The following OR1D5 variants were observed in gnomAD, a reference collection of about 807,000 sequenced individuals.
OR1D5 encodes olfactory receptor 1D5.
For missense variants in OR1D5, 159 were observed against 381.5 expected (o/e 0.42, Z 4.86); for synonymous variants, 56 against 159.1 (o/e 0.35, Z 4.88).
At position 3,062,784 on chromosome 17, in the gene OR1D5, A is replaced by G. The variant is rs763527230; in HGVS notation, c.824T>C (p.Val275Ala). Residue 275 changes from valine (V) to alanine (A), a missense_variant, in exon 1 of 1, where the codon GTG becomes GCG. Physicochemically the swap from Val to Ala is moderately conservative, Grantham distance 64. Transcript: ENST00000575751. ...CATAGGTGTCAGCACAGCATACATC[A>G]CTGTGGCTACTGAGTCCTTCATGGA... ...TYSMKDSVAT[V>A]MYAVLTPMMN... is the part of the protein sequence containing the mutation. 1.2e-6 allele frequency: 2 copies of G among 1,612,092 alleles called. No individual in the cohort carries two copies. The highest frequency in any genetic ancestry group is 2.7e-5 in the African/African-American group (2 of 74,998).
rs371822460 is a variant in OR1D5, at chr17:3,062,950, G to A, written c.658C>T (p.Arg220Cys). 18 of 1,613,874 alleles carry A rather than the reference G, an allele frequency of 1.1e-5. No individual in the cohort carries two copies. In the African/African-American group the frequency reaches 1.2e-4, roughly 11 times the overall value. ...ATTTGAAGGATGGTTCTGACAATAC[G>A]TACATAGGATGTGGTCATGAACCCT... ...PLGFMTTSYV[R>C]IVRTILQMPS... Residue 220 changes from arginine (R) to cysteine (C), a missense_variant, in exon 1 of 1, where the codon CGT becomes TGT. Arg to Cys is a radical substitution (Grantham distance 180). Transcript: ENST00000575751.
Position 3,063,091 on chromosome 17 carries a change from C to T in OR1D5, c.517G>A (p.Glu173Lys). 1.9e-6 allele frequency: 3 copies of T among 1,613,776 alleles called. No individual in the cohort carries two copies. The highest frequency in any genetic ancestry group is 2.7e-5 in the African/African-American group (2 of 75,058). ...ATGTCACAGAAGAGGTAGTGGATCT[C>T]TCGAGGCCCACAGAAGGTCACCCTG... ...LTRVTFCGPR[E>K]IHYLFCDMYI... The change falls in exon 1 of 1, where the codon GAG becomes AAG. Residue 173 changes from glutamate to lysine, a missense_variant. By Grantham distance (56) the Glu-to-Lys change is moderately conservative. Coordinates refer to ENST00000575751, the MANE Select transcript of OR1D5 (RefSeq NM_014566.1).
rs1426952483 is a variant in OR1D5, at chr17:3,063,177, A to G, written c.431T>C (p.Leu144Pro). 4 of 1,612,992 alleles carry G rather than the reference A, an allele frequency of 2.5e-6. No homozygotes were observed. Among genetic ancestry groups the G allele is most frequent in the African/African-American group, 2.7e-5 (2 of 74,672 alleles). Residue 144 changes from leucine to proline, a missense_variant, in exon 1 of 1, where the codon CTC (leucine) becomes CCC (proline). Transcript: ENST00000575751. ...AGACAGCCCCCAACACAAGGAGAGG[A>G]GCAAGACACAGAGCCCAGGGCTCAT... is the stretch of plus-strand genomic sequence containing the variant. Reference protein sequence around the residue: ...TAMSPGLCVLLLSLCWGLSVL... With the variant: ...TAMSPGLCVLPLSLCWGLSVL...
chr17:3,062,893 A>G lies in OR1D5; in HGVS notation c.715T>C (p.Ser239Pro), dbSNP rs2047673124. 1 of 1,614,048 alleles carries G rather than the reference A, an allele frequency of 6.2e-7. No individual in the cohort carries two copies. The highest frequency in any genetic ancestry group is 1.1e-5 in the South Asian group (1 of 91,094). Residue 239 changes from serine (S) to proline (P), a missense_variant, in exon 1 of 1, where the codon TCT (serine) becomes CCT (proline). Physicochemically the swap from Ser to Pro is moderately conservative, Grantham distance 74. Transcript: ENST00000575751. ...ACACCCAAATGGGAGGCACAGGTAG[A>G]GAAGGTTTTGTATTTCTTAGAGGCC... ...PSASKKYKTF[S>P]TCASHLGVVS... is the part of the protein sequence containing the mutation.
In OR1D5 at chr17:3,062,888, G is replaced by A. The variant is rs751494152; in HGVS notation, c.720C>T (p.Thr240=). 5 of 1,614,160 alleles carry A rather than the reference G, an allele frequency of 3.1e-6. No individual in the cohort carries two copies. The South Asian group carries it at 4.4e-5, about 14-fold the overall frequency. ...AGACCACACCCAAATGGGAGGCACAGGTAGAGAAGGTTTTGTATTTCTTAG... is the reference window on the plus strand; with the variant it reads ...AGACCACACCCAAATGGGAGGCACAAGTAGAGAAGGTTTTGTATTTCTTAG... ...SASKKYKTFS[T]CASHLGVVSL... The change falls in exon 1 of 1, where the codon ACC becomes ACT. Residue 240 remains threonine (T), a synonymous_variant. Coordinates refer to ENST00000575751, the MANE Select transcript of OR1D5 (RefSeq NM_014566.1).
Position 3,063,242 on chromosome 17 carries a change from G to C in OR1D5, c.366C>G (p.Arg122=), listed in dbSNP as rs1329937264. The change falls in exon 1 of 1, where the codon CGC becomes CGG. Residue 122 remains arginine, a synonymous_variant. Transcript: ENST00000575751. ...NLILAVMAYD[R]YVATCCPLHY... ...GGAGGGGGCAGCAGGTGGCCACATA[G>C]CGATCATACGCCATCACGGCCAGGA... 1.2e-6 allele frequency: 2 copies of C among 1,611,476 alleles called. No homozygotes were observed. The highest frequency in any genetic ancestry group is 1.7e-6 in the Non-Finnish European group (2 of 1,180,016).
Position 3,063,106 on chromosome 17 carries a change from A to G in OR1D5, c.502T>C (p.Phe168Leu). Residue 168 changes from phenylalanine (F) to leucine (L), a missense_variant, in exon 1 of 1, where the codon TTC becomes CTC. By Grantham distance (22) the Phe-to-Leu change is conservative. Transcript: ENST00000575751. ...TAGTGGATCTCTCGAGGCCCACAGAAGGTCACCCTGGTCAGGAGGAAGGTG... is the reference window on the plus strand; with the variant it reads ...TAGTGGATCTCTCGAGGCCCACAGAGGGTCACCCTGGTCAGGAGGAAGGTG... ...LLTFLLTRVT[F>L]CGPREIHYLF... 1 of 1,613,596 alleles carries G rather than the reference A, an allele frequency of 6.2e-7. No homozygotes were observed.
rs1192949741 is a variant in OR1D5, at chr17:3,062,980, G to T, written c.628C>A (p.Pro210Thr). 6.2e-7 allele frequency: 1 copy of T among 1,613,932 alleles called. No homozygotes were observed. Among genetic ancestry groups the T allele is most frequent in the South Asian group, 1.1e-5 (1 of 91,074 alleles). Residue 210 changes from proline to threonine, a missense_variant, in exon 1 of 1, where the codon CCC becomes ACC. Coordinates refer to ENST00000575751, the MANE Select transcript of OR1D5 (RefSeq NM_014566.1). ...IATGCFIFLT[P>T]LGFMTTSYVR... Reference sequence around the variant, plus strand: ...TAGGATGTGGTCATGAACCCTAAGGGGGTGAGGAAGATGAAGCAGCCAGTG... The same window carrying T: ...TAGGATGTGGTCATGAACCCTAAGGTGGTGAGGAAGATGAAGCAGCCAGTG...
At position 3,062,805 on chromosome 17, in the gene OR1D5, A is replaced by G. The variant is rs2047672432; in HGVS notation, c.803T>C (p.Met268Thr). The G allele has an allele frequency of 6.2e-7, 1 of 1,614,000 alleles. No homozygotes were observed. Among genetic ancestry groups the G allele is most frequent in the South Asian group, 1.1e-5 (1 of 91,080 alleles). Residue 268 changes from methionine to threonine, a missense_variant, in exon 1 of 1, where the codon ATG (methionine) becomes ACG (threonine). By Grantham distance (81) the Met-to-Thr change is moderately conservative. Transcript: ENST00000575751. ...CATCACTGTGGCTACTGAGTCCTTC[A>G]TGGAGTAGGTATGGAGGGGCTGCAG... is the stretch of plus-strand genomic sequence containing the variant. ...VYLQPLHTYSMKDSVATVMYA... is the reference protein window; with the variant it reads ...VYLQPLHTYSTKDSVATVMYA...
Sources: gnomAD v4.1 joint callset for allele counts on GRCh38, gnomAD v4.1.1 for gene constraint, MANE v1.5 for transcripts, NCBI Gene and HGNC (gene_info 2026-07-23, HGNC 2026-07-21) for gene names.